AKR1C4: variants seen among roughly 807,000 people sequenced by gnomAD.
AKR1C4 encodes aldo-keto reductase family 1 member C4.
A neutral mutation model predicts 41.0 loss-of-function variants in AKR1C4; 44 were observed. The ratio of observed to expected loss-of-function variants is 1.07; its 90% CI spans 0.84 to 1.38. The LOEUF (loss-of-function observed/expected upper bound fraction) is 1.38. Ranked by LOEUF, AKR1C4 falls within the 40% of genes most tolerant of loss-of-function variation. The pLI, the probability that AKR1C4 is intolerant of heterozygous loss-of-function variation, is 0.00. For missense variants in AKR1C4, 438 were observed against 387.9 expected, an observed-to-expected ratio of 1.13 and a Z score of -1.09; for synonymous variants, 165 against 137.7, an observed-to-expected ratio of 1.20 and a Z score of -1.39.
intron 4 of AKR1C4, among the ~76,000 whole-genome samples, 154 bp downstream of exon 4, chr10:5,205,988 A>G (rs1384795947): frequency 2.6e-5 from 4 of 152,210 alleles, no homozygotes; most frequent in African/African-American, 4.8e-5. Flanking sequence ...GGAAGAATAC[A>G]TGACTGAAAT....
intron 8 of AKR1C4, among the ~76,000 whole-genome samples, 164 bp from the exon 9 acceptor site, chr10:5,218,554 A>AAC (rs1253610053): frequency 1.3e-5 from 2 of 151,758 alleles, no homozygotes; most frequent in African/African-American, 4.8e-5. Context: ...AAAAAAAAAA[A>AAC]AACACATTAT....
intron 5 of AKR1C4, 95 bp downstream of exon 5, chr10:5,206,492 T>C: frequency 2.5e-5 from 39 of 1,577,932 alleles, no homozygotes; most frequent in Non-Finnish European, 3.4e-5. Context: ...CTTACATTTG[T>C]GAAACAGAAG....
At chr10:5,197,131 G>A (rs1255940237) in intron 1 of AKR1C4, among the ~76,000 whole-genome samples, 180 bp downstream of exon 1, 1 of 152,208 alleles carries the variant, frequency 6.6e-6, no homozygotes, top group African/African-American at 2.4e-5. Flanking sequence ...GTTTTGCACT[G>A]AGGTCTGTCA....
rs1554798132 is a variant in AKR1C4 at position 5,213,151 on chromosome 10, A to C, written c.838A>C (p.Asn280His). Reference protein sequence around the residue: ...KSYNEQRIRENIQVFEFQLTS... With the variant: ...KSYNEQRIREHIQVFEFQLTS... ...CTACAATGAGCAGCGGATCAGAGAG[A>C]ACATCCAGGTGAGGAGTTGGGTGGG... Residue 280 changes from asparagine (N) to histidine (H), a missense_variant, in exon 7 of 9, where the codon AAC (asparagine) becomes CAC (histidine). Physicochemically the swap from Asn to His is moderately conservative, Grantham distance 68. Transcript: ENST00000263126. 4.3e-6 allele frequency: 7 copies of C among 1,613,468 alleles called. No homozygotes were observed. Among genetic ancestry groups the C allele is most frequent in the Non-Finnish European group, 5.9e-6 (7 of 1,180,014 alleles).
intron 7 of AKR1C4, among the ~76,000 whole-genome samples, chr10:5,215,049 G>T (rs1454581988): frequency 6.6e-6 from 1 of 152,188 alleles, no homozygotes; most frequent in African/African-American, 2.4e-5. Context: ...TTGGATTTCA[G>T]TATTTCTACA....
intron 5 of AKR1C4, among the ~76,000 whole-genome samples, chr10:5,208,293 C>A (rs1348507836): frequency 6.6e-6 from 1 of 151,486 alleles, no homozygotes; most frequent in Non-Finnish European, 1.5e-5. Context: ...TACAGGTCTA[C>A]AGTTGAAACA....
intron 7 of AKR1C4, among the ~76,000 whole-genome samples, chr10:5,215,626 C>T (rs548636997): frequency 6.6e-6 from 1 of 152,312 alleles, no homozygotes; most frequent in Admixed American, 6.5e-5. Context: ...CCTTAGTCAT[C>T]ACTAAGTTCA....
chr10:5,201,946 G>GT (rs1158659305), intron 2 of AKR1C4, among the ~76,000 whole-genome samples: 4 of 152,074 alleles, frequency 2.6e-5, no homozygotes, highest in African/African-American at 9.7e-5. Flanking sequence ...TCTCTATTCT[G>GT]TTTCATTGAT....
chr10:5,217,983 C>T (rs1374796046), intron 8 of AKR1C4, among the ~76,000 whole-genome samples: 1 of 152,058 alleles, frequency 6.6e-6, no homozygotes, highest in East Asian at 1.9e-4. Context: ...CACAGCAGCA[C>T]ATCATAAGAA....
chr10:5,206,324 C>T lies in AKR1C4; in HGVS notation c.497C>T (p.Ser166Leu), dbSNP rs558287231. The T allele has an allele frequency of 6.2e-7, 1 of 1,614,124 alleles. No individual in the cohort carries two copies. Among genetic ancestry groups the T allele is most frequent in the Non-Finnish European group, 8.5e-7 (1 of 1,179,998 alleles). The change falls in exon 5 of 9, where the codon TCA becomes TTA. Residue 166 changes from serine (S) to leucine (L), a missense_variant. Transcript: ENST00000263126. ...DAGLAKSIGV[S>L]NFNCRQLEMI... The stretch of plus-strand genomic sequence containing the variant: ...GGATTGGCCAAGTCCATCGGGGTGT[C>T]AAACTTCAACTGCAGGCAGCTGGAG...
rs782659819 is a variant in AKR1C4, at chr10:5,205,795, AG to A, written c.409del (p.Val137Ter). On this transcript the variant is annotated frameshift_variant, in exon 4 of 9. Coordinates refer to ENST00000263126, the MANE Select transcript of AKR1C4 (RefSeq NM_001818.5). LOFTEE classifies it high-confidence loss of function. ...TPLPKDENGK[V>X]IFDTVDLSAT... ...CACTACCAAAAGATGAAAATGGAAA[AG>A]TAATATTCGACACAGTGGATCTCTC... 6 of 1,613,632 alleles carry A rather than the reference AG, an allele frequency of 3.7e-6. No homozygotes were observed. In the African/African-American group the frequency reaches 8.0e-5, roughly 22 times the overall value.
chr10:5,206,415 C>T lies in AKR1C4; in HGVS notation c.570+18C>T. ...GCAACCAGGTGAGCACCCTCAGCCT[C>T]CTCTCCTTTCTCTTCTCAATGTCCA... On this transcript the variant is annotated intron_variant, in intron 5 of 8. Transcript: ENST00000263126. 1 of 1,613,934 alleles carries T rather than the reference C, an allele frequency of 6.2e-7. No individual in the cohort carries two copies. The highest frequency in any genetic ancestry group is 8.5e-7 in the Non-Finnish European group (1 of 1,179,870).
intron 1 of AKR1C4, among the ~76,000 whole-genome samples, chr10:5,199,550 A>G (rs1554796667): frequency 2.0e-5 from 3 of 152,158 alleles, no homozygotes; most frequent in Admixed American, 1.3e-4. Flanking sequence ...AGAGGATCAC[A>G]TCGGCAGAGG....
At chr10:5,212,922 A>T in intron 6 of AKR1C4, 72 bp from the exon 7 acceptor site, 17 of 1,559,702 alleles carry the variant, frequency 1.1e-5, no homozygotes, top group Non-Finnish European at 1.5e-5. Flanking sequence ...TGAACACCTT[A>T]GTCTGTTTAG....
chr10:5,206,169 T>C, intron 4 of AKR1C4, 106 bp from the exon 5 acceptor site: 1 of 1,547,940 alleles, frequency 6.5e-7, no homozygotes, highest in African/African-American at 1.4e-5. Context: ...CACTGCTATT[T>C]TCATTGTCAT....
intron 7 of AKR1C4, 89 bp downstream of exon 7, chr10:5,213,248 G>C: frequency 6.5e-7 from 1 of 1,546,844 alleles, no homozygotes; most frequent in Non-Finnish European, 8.7e-7. Flanking sequence ...CTTGGACTAA[G>C]TCCACTTCCT....
At chr10:5,209,671 G>C (rs1832540333) in intron 5 of AKR1C4, among the ~76,000 whole-genome samples, 1 of 152,198 alleles carries the variant, frequency 6.6e-6, no homozygotes, top group South Asian at 2.1e-4. Context: ...GGCAAAGAAA[G>C]AGCTTGTGCA....
chr10:5,217,751 C>T (rs552356327), intron 8 of AKR1C4, among the ~76,000 whole-genome samples: 1 of 152,198 alleles, frequency 6.6e-6, no homozygotes, highest in African/African-American at 2.4e-5. Context: ...CAGAGCAAGA[C>T]TCAGTCATTA....
Position 5,212,696 on chromosome 10 carries a change from T to C in AKR1C4, c.651T>C (p.Ser217=). 6.2e-7 allele frequency: 1 copy of C among 1,614,042 alleles called. No individual in the cohort carries two copies. Among genetic ancestry groups the C allele is most frequent in the Non-Finnish European group, 8.5e-7 (1 of 1,179,968 alleles). The change falls in exon 6 of 9, where the codon AGT becomes AGC. Residue 217 remains serine, a synonymous_variant. Transcript: ENST00000263126. ...AAGACATTGTTCTGGTTGCCCACAG[T>C]GCTCTGGGAACCCAACGACATAAAC... is the stretch of plus-strand genomic sequence containing the variant. ...KSKDIVLVAH[S]ALGTQRHKLW...
Sources: allele counts gnomAD v4.1 joint callset (sites outside exome capture counted in the v4.1 genomes callset), GRCh38; gene constraint gnomAD v4.1.1; transcripts MANE v1.5; gene names NCBI Gene and HGNC (gene_info 2026-07-23, HGNC 2026-07-21).